The following TMEM132B variants were observed in gnomAD, a reference collection of about 807,000 sequenced individuals.
TMEM132B encodes transmembrane protein 132B.
Under a neutral mutation model 90.8 loss-of-function variants are expected in TMEM132B, and 18 were observed. The observed-to-expected ratio is 0.20, with a 90% CI of 0.14 to 0.29. The LOEUF is 0.29. Among genes scored for constraint, TMEM132B ranks in the 10% least tolerant of loss-of-function variants. The probability of loss-of-function intolerance (pLI) is 1.00; values close to 1 mark genes in which losing one functional copy is unlikely to be tolerated. For missense variants in TMEM132B, 1,096 were observed against 1,326.8 expected (o/e 0.83, Z 2.70); for synonymous variants, 504 against 523.3 (o/e 0.96, Z 0.50).
rs1879461451 is a variant in TMEM132B, at chr12:125,405,932, CAG to C, written c.960-9596_960-9595del. 2.0e-5 allele frequency among the ~76,000 whole-genome samples: 3 copies of C among 152,186 alleles called. No homozygotes were observed. In the South Asian group the frequency reaches 6.2e-4, roughly 32 times the overall value. On this transcript the variant is annotated intron_variant, in intron 2 of 8. Coordinates refer to ENST00000682704, the MANE Select transcript of TMEM132B (RefSeq NM_001366854.1). Reference sequence around the variant, plus strand: ...ATGGCTGCTGGCATCTTGCAGCCATCAGAGTTTGGACAGGACAGTTTATTATC... The same window carrying C: ...ATGGCTGCTGGCATCTTGCAGCCATCAGTTTGGACAGGACAGTTTATTATC...
intron 3 of TMEM132B, among the ~76,000 whole-genome samples, chr12:125,444,339 A>G (rs1880948789): frequency 6.6e-6 from 1 of 152,202 alleles, no homozygotes; most frequent in East Asian, 1.9e-4. Context: ...TATGTTCTAT[A>G]TAAACAGTTT....
rs1874218651 is a variant in TMEM132B, at chr12:125,246,888, TC to T, written c.67+60025del. 6.6e-6 allele frequency among the ~76,000 whole-genome samples: 1 copy of T among 151,244 alleles called. No homozygotes were observed. The highest frequency in any genetic ancestry group is 2.4e-5 in the African/African-American group (1 of 41,158). ...TGGGGTTTCAGCATTTCATCACATT[TC>T]CCACCGGGAGAGCCTGGGGTTTGTG... On this transcript the variant is annotated intron_variant, in intron 1 of 8. Transcript: ENST00000682704. The surrounding 1 kb of genome is among the most constrained non-coding windows in gnomAD (Gnocchi z 4.2).
chr12:125,646,851 A>G (rs1000294144), intron 6 of TMEM132B, among the ~76,000 whole-genome samples: 2 of 152,234 alleles, frequency 1.3e-5, no homozygotes, highest in South Asian at 2.1e-4. Flanking sequence ...TGAATGAGAA[A>G]AGATGATCAA....
intron 3 of TMEM132B, among the ~76,000 whole-genome samples, chr12:125,465,733 G>A (rs1240378928): frequency 2.0e-5 from 3 of 152,216 alleles, no homozygotes; most frequent in Non-Finnish European, 2.9e-5. Flanking sequence ...GGTCAATACA[G>A]TCTTGTGGAA....
chr12:125,450,852 T>G (rs1425225444), intron 3 of TMEM132B, among the ~76,000 whole-genome samples: 1 of 152,226 alleles, frequency 6.6e-6, no homozygotes, highest in Non-Finnish European at 1.5e-5. Context: ...CAGGTTTGAT[T>G]CTCTGACAAG....
intron 2 of TMEM132B, among the ~76,000 whole-genome samples, chr12:125,403,054 G>A (rs73235408): frequency 0.013 from 1,993 of 152,142 alleles, 24 homozygotes; most frequent in Non-Finnish European, 0.021. Flanking sequence ...CAGATTTTTA[G>A]CCATTTGGAG....
intron 1 of TMEM132B, among the ~76,000 whole-genome samples, chr12:125,263,781 A>C (rs1319009128): frequency 6.6e-6 from 1 of 152,124 alleles, no homozygotes; most frequent in East Asian, 1.9e-4. Context: ...TTGGATGTGA[A>C]CTGTTAGTGT....
intron 4 of TMEM132B, among the ~76,000 whole-genome samples, chr12:125,560,088 G>T (rs1884483368): frequency 6.6e-6 from 1 of 152,196 alleles, no homozygotes; most frequent in South Asian, 2.1e-4. Context: ...GAGGGCTTGG[G>T]GTCAGGGAGG....
chr12:125,340,348 A>T (rs1028259543), intron 1 of TMEM132B, among the ~76,000 whole-genome samples: 13 of 152,156 alleles, frequency 8.5e-5, no homozygotes, highest in African/African-American at 2.9e-4. Context: ...CTAATTTTCA[A>T]CTTTATCAGA....
At chr12:125,606,769 C>T (rs773110835) in intron 5 of TMEM132B, among the ~76,000 whole-genome samples, 2 of 152,202 alleles carry the variant, frequency 1.3e-5, no homozygotes, top group Non-Finnish European at 2.9e-5. Flanking sequence ...TGACCTGGGA[C>T]CACTGAGCCC....
intron 1 of TMEM132B, among the ~76,000 whole-genome samples, chr12:125,229,902 C>G (rs373162424): frequency 1.0e-3 from 153 of 152,364 alleles, no homozygotes; most frequent in African/African-American, 3.4e-3. Flanking sequence ...ATAATTTCGT[C>G]TAAAGGGTCT....
intron 2 of TMEM132B, among the ~76,000 whole-genome samples, chr12:125,365,515 G>A (rs1404792991): frequency 6.6e-6 from 1 of 151,842 alleles, no homozygotes; most frequent in Non-Finnish European, 1.5e-5. Context: ...TCCTTTCTGG[G>A]GATCTAAGTT....
chr12:125,186,628 C>T lies in TMEM132B; in HGVS notation c.-172C>T, dbSNP rs539137546. 6.8e-6 allele frequency among the ~76,000 whole-genome samples: 1 copy of T among 146,874 alleles called. No homozygotes were observed. The highest frequency in any genetic ancestry group is 1.5e-5 in the Non-Finnish European group (1 of 65,932). ...CCCAGGAGAGCGCGCAGAGGCGCAG[C>T]CGAGGAAGCGCCGCCAGCGCCGGCG... On this transcript the variant is annotated 5_prime_UTR_variant, in exon 1 of 9. Transcript: ENST00000682704. The surrounding 1 kb of genome is among the most constrained non-coding windows in gnomAD (Gnocchi z 6.3).
Position 125,348,012 on chromosome 12 carries a change from CACAA to C in TMEM132B, c.68-1436_68-1433del, listed in dbSNP as rs370886205. ...CTTTCGCCTTTGGGTTCTATAGACA[CACAA>C]ACATAAATATATACATTTACATATA... On this transcript the variant is annotated intron_variant, in intron 1 of 8. Transcript: ENST00000682704. Among the ~76,000 whole-genome samples, 166 of 152,278 alleles carry C rather than the reference CACAA, an allele frequency of 1.1e-3. 2 individuals are homozygous for C. The highest frequency in any genetic ancestry group is 3.9e-3 in the African/African-American group (160 of 41,556).
At chr12:125,650,596 TG>T in intron 6 of TMEM132B, 86 bp from the exon 7 acceptor site, 3 of 1,485,082 alleles carry the variant, frequency 2.0e-6, no homozygotes, top group Non-Finnish European at 2.7e-6. Flanking sequence ...TTTCATTCTG[TG>T]GGCTCACCTA....
intron 3 of TMEM132B, among the ~76,000 whole-genome samples, chr12:125,422,799 C>T (rs894360834): frequency 1.3e-5 from 2 of 152,188 alleles, no homozygotes; most frequent in Non-Finnish European, 2.9e-5. Flanking sequence ...AGGTGAGACA[C>T]TGATTGTCCC....
At chr12:125,315,325 A>G (rs1876236568) in intron 1 of TMEM132B, among the ~76,000 whole-genome samples, 1 of 152,130 alleles carries the variant, frequency 6.6e-6, no homozygotes, top group African/African-American at 2.4e-5. Flanking sequence ...CAGCCTCCCA[A>G]GTAGCTGGGA....
chr12:125,207,201 C>T (rs964582592), intron 1 of TMEM132B, among the ~76,000 whole-genome samples: 2 of 152,190 alleles, frequency 1.3e-5, no homozygotes, highest in African/African-American at 4.8e-5. Context: ...CTCGTTGAAA[C>T]AGCAGTGGGG....
At chr12:125,208,540 A>G (rs1873236883) in intron 1 of TMEM132B, among the ~76,000 whole-genome samples, 1 of 152,192 alleles carries the variant, frequency 6.6e-6, no homozygotes, top group Non-Finnish European at 1.5e-5. Context: ...ATGGTATCAC[A>G]TAGCATGTGG....
Sources: allele counts gnomAD v4.1 joint callset (sites outside exome capture counted in the v4.1 genomes callset), GRCh38; gene constraint gnomAD v4.1.1; non-coding constraint Gnocchi (gnomAD v3.1); transcripts MANE v1.5; gene names NCBI Gene and HGNC (gene_info 2026-07-23, HGNC 2026-07-21).